TNNT3: variants seen among roughly 807,000 people sequenced by gnomAD.
TNNT3 encodes troponin T3, fast skeletal type, also known as troponin T, fast skeletal muscle.
TNNT3 carries 36 observed loss-of-function variants against 54.2 expected under a neutral mutation model. That is an observed-to-expected ratio of 0.66 (90% confidence interval 0.51 to 0.88). The LOEUF is 0.88. TNNT3 is among the 40% of genes least tolerant of loss of function. The probability of loss-of-function intolerance (pLI) is 0.00; values close to 1 mark genes in which losing one functional copy is unlikely to be tolerated. For synonymous variants in TNNT3, 120 were observed against 109.7 expected, an observed-to-expected ratio of 1.09 and a Z score of -0.59; for missense variants, 291 against 331.6, an observed-to-expected ratio of 0.88 and a Z score of 0.95.
At position 1,938,456 on chromosome 11, in the gene TNNT3, C is replaced by A; in HGVS notation, c.741C>A (p.Thr247=). ...TTTGCAGCAGCAAGAAGGCTGGGAC[C>A]CCAGCCAAGGGCAAAGTCGGCGGGC... The part of the protein sequence containing the change: ...QAQKHSKKAG[T]PAKGKVGGRW... Residue 247 remains threonine (T), a synonymous_variant, in exon 16 of 16, where the codon ACC becomes ACA. Transcript: ENST00000278317. The A allele has an allele frequency of 6.2e-7, 1 of 1,613,332 alleles. No homozygotes were observed. Among genetic ancestry groups the A allele is most frequent in the Non-Finnish European group, 8.5e-7 (1 of 1,179,926 alleles).
At chr11:1,929,774 G>C in intron 7 of TNNT3, 36 bp from the exon 8 acceptor site, 1 of 1,551,876 alleles carries the variant, frequency 6.4e-7, no homozygotes, top group Non-Finnish European at 8.7e-7. Context: ...CCCCACGCTG[G>C]TGTCCCTCTC....
intron 4 of TNNT3, 58 bp from the exon 5 acceptor site, chr11:1,925,041 C>A (rs1014224543): frequency 1.9e-6 from 3 of 1,601,632 alleles, no homozygotes; most frequent in Middle Eastern, 2.2e-4. Flanking sequence ...ATCACTGTCT[C>A]TGTTCCCTGT....
chr11:1,933,182 T>C (rs1445195466), intron 9 of TNNT3, among the ~76,000 whole-genome samples: 4 of 109,778 alleles, frequency 3.6e-5, no homozygotes, highest in Non-Finnish European at 7.2e-5. Flanking sequence ...TCACCCACCA[T>C]CCACGCATCC....
chr11:1,934,726 G>T (rs949466646), intron 13 of TNNT3, 71 bp downstream of exon 13: 7 of 1,599,398 alleles, frequency 4.4e-6, no homozygotes, highest in Admixed American at 3.3e-5. Flanking sequence ...TGCTCCTCAG[G>T]CTGCCAAGGA....
chr11:1,924,801 A>C (rs995643334), intron 4 of TNNT3: 33 of 583,618 alleles, frequency 5.7e-5, no homozygotes, highest in Admixed American at 1.2e-4. Flanking sequence ...AGGCGCCTCC[A>C]GGCATGGGAA....
rs753518528 is a variant in TNNT3, at chr11:1,934,690, G to A, written c.590+35G>A. On this transcript the variant is annotated intron_variant, in intron 13 of 15. Transcript: ENST00000278317. ...GGGTGTTGTGGGGCTCAGCCCCACG[G>A]GGTGGCCCCTGCAGGAGCTGCCGAC... 5 of 1,605,776 alleles carry A rather than the reference G, an allele frequency of 3.1e-6. No individual in the cohort carries two copies. In the Admixed American group the frequency reaches 8.4e-5, roughly 27 times the overall value.
intron 8 of TNNT3, among the ~76,000 whole-genome samples, chr11:1,932,104 A>T (rs1221717960): frequency 6.6e-6 from 1 of 152,190 alleles, no homozygotes; most frequent in South Asian, 2.1e-4. Flanking sequence ...GGCCACCGCC[A>T]CCCACAGTGG....
At chr11:1,928,079 G>T in intron 6 of TNNT3, 1 of 153,454 alleles carries the variant, frequency 6.5e-6, no homozygotes, top group Non-Finnish European at 1.5e-5. Context: ...GTGCACCCCA[G>T]GCCAGGCACT....
At chr11:1,922,508 G>T (rs1772728666) in intron 1 of TNNT3, among the ~76,000 whole-genome samples, 2 of 152,176 alleles carry the variant, frequency 1.3e-5, no homozygotes, top group Non-Finnish European at 2.9e-5. Context: ...CTGCATTCTG[G>T]ATGACCCTCC....
intron 14 of TNNT3, 199 bp downstream of exon 14, chr11:1,935,118 C>T: frequency 3.1e-6 from 2 of 655,196 alleles, no homozygotes; most frequent in South Asian, 3.3e-5. Context: ...GCCCGTCCTC[C>T]TGGCTGGCCA....
intron 3 of TNNT3, 105 bp from the exon 4 acceptor site, chr11:1,923,450 C>A (rs572495926): frequency 1.5e-5 from 19 of 1,275,894 alleles, no homozygotes; most frequent in Non-Finnish European, 1.9e-5. Flanking sequence ...CAGGGGCAGT[C>A]GCTGGCCTGT....
intron 1 of TNNT3, among the ~76,000 whole-genome samples, chr11:1,920,701 C>G (rs954206851): frequency 1.3e-5 from 2 of 152,132 alleles, no homozygotes; most frequent in South Asian, 4.1e-4. Flanking sequence ...GTGATGCATA[C>G]GTGCCCGAAG....
chr11:1,936,500 A>G (rs930029238), intron 14 of TNNT3, among the ~76,000 whole-genome samples: 2 of 152,294 alleles, frequency 1.3e-5, no homozygotes, highest in African/African-American at 4.8e-5. Flanking sequence ...CAGCGGCCAC[A>G]GAGTGCCCCT....
intron 7 of TNNT3, 71 bp from the exon 8 acceptor site, chr11:1,929,739 T>A: frequency 6.5e-7 from 1 of 1,532,130 alleles, no homozygotes; most frequent in African/African-American, 1.4e-5. Context: ...CCGCCCAGTC[T>A]CACCCAGGCT....
intron 1 of TNNT3, among the ~76,000 whole-genome samples, chr11:1,922,029 G>C (rs1850221412): frequency 6.6e-6 from 1 of 152,218 alleles, no homozygotes; most frequent in Non-Finnish European, 1.5e-5. Context: ...CAGGGAAAGC[G>C]GCCACAGGGA....
At chr11:1,925,352 G>A (rs1026018539) in intron 5 of TNNT3, 4 of 1,512,000 alleles carry the variant, frequency 2.6e-6, no homozygotes, top group Middle Eastern at 2.2e-4. Flanking sequence ...GTGGGGGAGA[G>A]GGGGAGAGGG....
intron 4 of TNNT3, chr11:1,924,898 G>T (rs925309727): frequency 3.5e-5 from 24 of 678,536 alleles, no homozygotes; most frequent in Non-Finnish European, 1.1e-5. Flanking sequence ...AGCTCTGCTG[G>T]TGGGAGTCCG....
Position 1,938,483 on chromosome 11 carries a change from C to G in TNNT3, c.768C>G (p.Arg256=). The G allele has an allele frequency of 6.2e-7, 1 of 1,613,350 alleles. No homozygotes were observed. Residue 256 remains arginine (R), a synonymous_variant, in exon 16 of 16, where the codon CGC becomes CGG. Coordinates refer to ENST00000278317, the MANE Select transcript of TNNT3 (RefSeq NM_006757.4). ...CAGCCAAGGGCAAAGTCGGCGGGCG[C>G]TGGAAGTAGAGAGGCCAGAAAGGCC... ...GTPAKGKVGG[R]WK is the part of the protein sequence containing the mutation.
chr11:1,935,239 C>T (rs780654341), intron 14 of TNNT3: 18 of 452,832 alleles, frequency 4.0e-5, no homozygotes, highest in African/African-American at 8.0e-5. Context: ...GGTTCATTTT[C>T]GGAACCCCTT....
Sources: gnomAD v4.1 joint callset for allele counts (sites outside exome capture counted in the v4.1 genomes callset) on GRCh38, gnomAD v4.1.1 for gene constraint, MANE v1.5 for transcripts, NCBI Gene and HGNC (gene_info 2026-07-23, HGNC 2026-07-21) for gene names.